BCL2L13: variants seen among roughly 807,000 people sequenced by gnomAD.
The protein encoded by BCL2L13 is bcl-2-like protein 13.
In BCL2L13, 13 loss-of-function variants were observed where a neutral mutation model predicts 25.8. That is an observed-to-expected ratio of 0.50 (90% CI 0.33 to 0.80). The LOEUF (loss-of-function observed/expected upper bound fraction) is 0.80, where lower values mean the gene tolerates loss of function less well. BCL2L13 is among the 30% of genes least tolerant of loss of function. The probability of loss-of-function intolerance (pLI) is 0.02; values close to 1 mark genes in which losing one functional copy is unlikely to be tolerated. For missense variants in BCL2L13, 504 were observed against 574.9 expected, an observed-to-expected ratio of 0.88 and a Z score of 1.26; for synonymous variants, 244 against 230.3, an observed-to-expected ratio of 1.06 and a Z score of -0.54.
Position 17,727,269 on chromosome 22 carries a change from T to C in BCL2L13, c.1193T>C (p.Val398Ala). Reference protein sequence around the residue: ...ATTEPTEVEEVVPALEPTETL... With the variant: ...ATTEPTEVEEAVPALEPTETL... ...ACTGAACCTACTGAAGTGGAGGAGGTGGTCCCCGCACTGGAACCCACAGAA... is the reference window on the plus strand; with the variant it reads ...ACTGAACCTACTGAAGTGGAGGAGGCGGTCCCCGCACTGGAACCCACAGAA... The change falls in exon 7 of 7, where the codon GTG becomes GCG. Residue 398 changes from valine (V) to alanine (A), a missense_variant. By Grantham distance (64) the Val-to-Ala change is moderately conservative. Transcript: ENST00000317582. 1 of 1,614,118 alleles carries C rather than the reference T, an allele frequency of 6.2e-7. No homozygotes were observed. Among genetic ancestry groups the C allele is most frequent in the Non-Finnish European group, 8.5e-7 (1 of 1,180,014 alleles).
chr22:17,674,309 GT>G (rs1478917347), intron 2 of BCL2L13, among the ~76,000 whole-genome samples: 1 of 152,094 alleles, frequency 6.6e-6, no homozygotes, highest in Non-Finnish European at 1.5e-5. Context: ...GTTTTTGTTT[GT>G]TTTGTTTTTT....
At chr22:17,696,527 G>A (rs1226286231) in intron 5 of BCL2L13, among the ~76,000 whole-genome samples, 1 of 151,978 alleles carries the variant, frequency 6.6e-6, no homozygotes, top group Non-Finnish European at 1.5e-5. Flanking sequence ...AGTGTGTCTT[G>A]GGGAAAAAGA....
chr22:17,698,603 A>G (rs2060339906), intron 5 of BCL2L13, among the ~76,000 whole-genome samples: 1 of 146,512 alleles, frequency 6.8e-6, no homozygotes, highest in African/African-American at 2.5e-5. Context: ...GTGCACCTGT[A>G]TTCTGAGCCG....
At chr22:17,707,122 G>C (rs1274250119) in intron 6 of BCL2L13, among the ~76,000 whole-genome samples, 1 of 152,130 alleles carries the variant, frequency 6.6e-6, no homozygotes, top group African/African-American at 2.4e-5. Context: ...GGGATGATCT[G>C]AAATTAATGA....
chr22:17,638,726 G>A (rs956655492), upstream of BCL2L13: 9 of 1,231,572 alleles, frequency 7.3e-6, no homozygotes, highest in African/African-American at 1.4e-4. Context: ...CCCCGACGCC[G>A]GCCGTGACGA....
At chr22:17,707,977 C>T (rs1411004961) in intron 6 of BCL2L13, among the ~76,000 whole-genome samples, 1 of 152,000 alleles carries the variant, frequency 6.6e-6, no homozygotes, top group Admixed American at 6.6e-5. Flanking sequence ...CAATTGTCAA[C>T]CTGATTTTTA....
chr22:17,699,552 A>G (rs1336235558), intron 5 of BCL2L13, among the ~76,000 whole-genome samples: 1 of 152,178 alleles, frequency 6.6e-6, no homozygotes, highest in Non-Finnish European at 1.5e-5. Flanking sequence ...ATACTTTAGC[A>G]TTTCATTGCA....
At chr22:17,678,708 C>G (rs1227320918) in intron 2 of BCL2L13, among the ~76,000 whole-genome samples, 4 of 152,136 alleles carry the variant, frequency 2.6e-5, no homozygotes, top group Admixed American at 1.3e-4. Flanking sequence ...GTTGTCCTGC[C>G]CTTCCTGAAC....
chr22:17,723,941 A>AAC (rs1555898615), intron 6 of BCL2L13, among the ~76,000 whole-genome samples: 1 of 149,740 alleles, frequency 6.7e-6, no homozygotes, highest in Admixed American at 6.6e-5. Flanking sequence ...CAAAAAAAAA[A>AAC]CAAAAAAAAA....
chr22:17,643,174 G>GA lies in BCL2L13; in HGVS notation c.-51+4291dup, dbSNP rs1229516260. ...TGAACAATTAGGCCTGTTTTAATTG[G>GA]AAAGGGGGTAGTGTCTACACTAGAG... On this transcript the variant is annotated intron_variant, in intron 1 of 6. Coordinates refer to ENST00000317582, the MANE Select transcript of BCL2L13 (RefSeq NM_015367.4). Among the ~76,000 whole-genome samples the GA allele has an allele frequency of 5.9e-5, 9 of 152,320 alleles. No homozygotes were observed. In the South Asian group the frequency reaches 6.2e-4, roughly 11 times the overall value.
At chr22:17,638,305 A>G (rs2058148225), upstream of BCL2L13, 2 of 174,304 alleles carry the variant, frequency 1.1e-5, no homozygotes, top group Non-Finnish European at 2.4e-5. Flanking sequence ...ACCCCGCTAT[A>G]TTCCCTCCCC....
chr22:17,713,259 T>A (rs2060812101), intron 6 of BCL2L13, among the ~76,000 whole-genome samples: 1 of 152,104 alleles, frequency 6.6e-6, no homozygotes. Flanking sequence ...TGACTATGAA[T>A]TGATTAGATG....
intron 2 of BCL2L13, among the ~76,000 whole-genome samples, chr22:17,664,173 T>C: frequency 6.6e-6 from 1 of 151,374 alleles, no homozygotes; most frequent in Non-Finnish European, 1.5e-5. Flanking sequence ...TTAGTAGAGT[T>C]GGGGGTTTCA....
intron 1 of BCL2L13, among the ~76,000 whole-genome samples, chr22:17,646,947 ATATATATAT>A (rs1568923650): frequency 3.3e-4 from 8 of 24,204 alleles, no homozygotes; most frequent in African/African-American, 1.4e-3. Context: ...ATATATATAT[ATATATATAT>A]TTTTTTTTTT....
chr22:17,650,026 A>G (rs968756005), intron 1 of BCL2L13, among the ~76,000 whole-genome samples: 2 of 150,332 alleles, frequency 1.3e-5, no homozygotes, highest in East Asian at 2.0e-4. Context: ...GCCTGCCATC[A>G]TGCCCAGCTA....
At chr22:17,688,138 G>T (rs1198209971) in intron 3 of BCL2L13, among the ~76,000 whole-genome samples, 1 of 151,952 alleles carries the variant, frequency 6.6e-6, no homozygotes, top group Non-Finnish European at 1.5e-5. Flanking sequence ...TGTATTTTTA[G>T]TAGAGATGTG....
Position 17,727,638 on chromosome 22 carries a change from A to G in BCL2L13, c.*104A>G, listed in dbSNP as rs2061333887. The G allele has an allele frequency of 1.3e-6, 2 of 1,482,468 alleles. No homozygotes were observed. The highest frequency in any genetic ancestry group is 9.1e-7 in the Non-Finnish European group (1 of 1,100,580). The allele number at this position is 1,482,468 out of a possible 1,614,324, so 91.8% of individuals were successfully genotyped here. A position where few individuals can be genotyped will look rare whatever the true frequency, so the allele number is the denominator to read the frequency against. On this transcript the variant is annotated 3_prime_UTR_variant, in exon 7 of 7. Coordinates refer to ENST00000317582, the MANE Select transcript of BCL2L13 (RefSeq NM_015367.4). The stretch of plus-strand genomic sequence containing the variant: ...CTGGACATTTGTGGAACACTCTGGG[A>G]TAATTGGGGACTTCTGCTCAACATG...
chr22:17,718,423 T>C (rs978287922), intron 6 of BCL2L13, among the ~76,000 whole-genome samples: 3 of 152,232 alleles, frequency 2.0e-5, no homozygotes, highest in Admixed American at 1.3e-4. Flanking sequence ...CATTCTCTTC[T>C]GGCTGGCTGT....
At chr22:17,657,430 G>A (rs953850070) in intron 2 of BCL2L13, among the ~76,000 whole-genome samples, 2 of 152,098 alleles carry the variant, frequency 1.3e-5, no homozygotes, top group Non-Finnish European at 2.9e-5. Flanking sequence ...AGACGTACAT[G>A]ATCCTGTCTG....
Sources: gnomAD v4.1 joint callset for allele counts (sites outside exome capture counted in the v4.1 genomes callset) on GRCh38, gnomAD v4.1.1 for gene constraint, MANE v1.5 for transcripts, NCBI Gene and HGNC (gene_info 2026-07-23, HGNC 2026-07-21) for gene names.